TUBB: variants seen among roughly 807,000 people sequenced by gnomAD.
TUBB encodes the protein tubulin beta class I.
A neutral mutation model predicts 35.1 loss-of-function variants in TUBB; 2 were observed. That is an observed-to-expected ratio of 0.06 (90% CI 0.02 to 0.18). The LOEUF (loss-of-function observed/expected upper bound fraction) is 0.18. TUBB is among the 10% of genes least tolerant of loss of function. TUBB has a pLI of 1.00. For missense variants in TUBB, 50 were observed against 599.4 expected, an observed-to-expected ratio of 0.08 and a Z score of 9.57; for synonymous variants, 205 against 223.8, an observed-to-expected ratio of 0.92 and a Z score of 0.75.
Position 30,721,600 on chromosome 6 carries a change from CG to C in TUBB, c.58-929del, listed in dbSNP as rs569312594. ...GCGTGCGCCGCAGTCACGTGGAGGG[CG>C]GGGGGGGTGGTCGACTGCGGCGGCA... On this transcript the variant is annotated intron_variant, in intron 1 of 3. Coordinates refer to ENST00000327892, the MANE Select transcript of TUBB (RefSeq NM_178014.4). 1.1e-3 allele frequency: 1,102 copies of C among 981,670 alleles called. 4 individuals are homozygous for C. Among genetic ancestry groups the C allele is most frequent in the South Asian group, 4.6e-3 (98 of 21,162 alleles). 60.8% of individuals were successfully genotyped at this position (981,670 alleles called of 1,614,324 possible).
At chr6:30,722,392 G>C in intron 1 of TUBB, 145 bp from the exon 2 acceptor site, 1 of 625,496 alleles carries the variant, frequency 1.6e-6, no homozygotes, top group East Asian at 2.8e-5. Context: ...GCAGTGAGCC[G>C]AGATAGCGCC....
intron 1 of TUBB, chr6:30,722,276 C>T (rs2127747330): frequency 2.3e-6 from 1 of 437,012 alleles, no homozygotes; most frequent in Non-Finnish European, 4.2e-6. Context: ...AAACCCGTCT[C>T]TACTAAAAAT....
rs764389596 is a variant in TUBB at position 30,720,352 on chromosome 6, C to G, written c.-155C>G. ...CCGCGCCCTCCCCTCTCCTTTCTCC[C>G]TCTCAGAACCTTCCTGCCGTCGCGT... is the stretch of plus-strand genomic sequence containing the variant. On this transcript the variant is annotated 5_prime_UTR_variant, in exon 1 of 4. Coordinates refer to ENST00000327892, the MANE Select transcript of TUBB (RefSeq NM_178014.4). The G allele has an allele frequency of 1.3e-6, 1 of 741,942 alleles. No individual in the cohort carries two copies. Among genetic ancestry groups the G allele is most frequent in the Non-Finnish European group, 2.4e-6 (1 of 419,204 alleles). The allele number at this position is 741,942 out of a possible 1,614,324, so 46.0% of individuals were successfully genotyped here. A position where few individuals can be genotyped will look rare whatever the true frequency, so the allele number is the denominator to read the frequency against.
Position 30,723,968 on chromosome 6 carries a change from C to T in TUBB, c.906C>T (p.Ala302=). The T allele has an allele frequency of 1.9e-6, 3 of 1,614,124 alleles. No individual in the cohort carries two copies. Among genetic ancestry groups the T allele is most frequent in the Non-Finnish European group, 1.7e-6 (2 of 1,179,980 alleles). The change falls in exon 4 of 4, where the codon GCC becomes GCT. Residue 302 remains alanine (A), a synonymous_variant. Coordinates refer to ENST00000327892, the MANE Select transcript of TUBB (RefSeq NM_178014.4). The part of the protein sequence containing the change: ...QVFDAKNMMA[A]CDPRHGRYLT... ...TCGATGCCAAGAACATGATGGCTGC[C>T]TGTGACCCCCGCCACGGCCGATACC...
rs746439917 is a variant in TUBB, at chr6:30,724,364, G to T, written c.1302G>T (p.Glu434Asp). Residue 434 changes from glutamate (E) to aspartate (D), a missense_variant, in exon 4 of 4, where the codon GAG becomes GAT. Coordinates refer to ENST00000327892, the MANE Select transcript of TUBB (RefSeq NM_178014.4). This position sits in a 1 kb window ranked among gnomAD's most constrained non-coding sequence, Gnocchi z 4.4. ...QYQDATAEEEEDFGEEAEEEA is the reference protein window; with the variant it reads ...QYQDATAEEEDDFGEEAEEEA ...AGGATGCCACCGCAGAAGAGGAGGA[G>T]GATTTCGGTGAGGAGGCCGAAGAGG... 13 of 1,612,308 alleles carry T rather than the reference G, an allele frequency of 8.1e-6. No individual in the cohort carries two copies. Among genetic ancestry groups the T allele is most frequent in the Admixed American group, 5.0e-5 (3 of 59,998 alleles).
chr6:30,721,319 C>G lies in TUBB; in HGVS notation c.57+756C>G, dbSNP rs1776212979. On this transcript the variant is annotated intron_variant, in intron 1 of 3. Transcript: ENST00000327892. ...AAATGTAGCGAAGGAATAAAAATTC[C>G]GAGGCCAAGGGGGATTTTTTTTTTT... Among the ~76,000 whole-genome samples the G allele has an allele frequency of 2.7e-5, 4 of 148,472 alleles. No individual in the cohort carries two copies. The Admixed American group carries it at 2.7e-4, about 10-fold the overall frequency.
intron 1 of TUBB, chr6:30,721,452 C>T: frequency 1.5e-6 from 1 of 687,492 alleles, no homozygotes; most frequent in Non-Finnish European, 1.8e-6. Flanking sequence ...CGTGGGCGCG[C>T]GGGGACAATG....
chr6:30,720,353 T>C lies in TUBB; in HGVS notation c.-154T>C. ...CGCGCCCTCCCCTCTCCTTTCTCCC[T>C]CTCAGAACCTTCCTGCCGTCGCGTT... On this transcript the variant is annotated 5_prime_UTR_variant, in exon 1 of 4. Coordinates refer to ENST00000327892, the MANE Select transcript of TUBB (RefSeq NM_178014.4). 1.4e-6 allele frequency: 1 copy of C among 734,374 alleles called. No individual in the cohort carries two copies. The highest frequency in any genetic ancestry group is 2.8e-5 in the East Asian group (1 of 35,566). 45.5% of individuals were successfully genotyped at this position (734,374 alleles called of 1,614,324 possible). A position where few individuals can be genotyped will look rare whatever the true frequency, so the allele number is the denominator to read the frequency against.
rs1776249900 is a variant in TUBB, at chr6:30,721,528, C to T, written c.57+965C>T. The T allele has an allele frequency of 4.1e-6, 4 of 984,466 alleles. No homozygotes were observed. The South Asian group carries it at 1.4e-4, about 35-fold the overall frequency. The allele number at this position is 984,466 out of a possible 1,614,324, so 61.0% of individuals were successfully genotyped here. On this transcript the variant is annotated intron_variant, in intron 1 of 3. Transcript: ENST00000327892. The stretch of plus-strand genomic sequence containing the variant: ...GCCCCTCGCGCGCGGAATTTTTGTC[C>T]CTGGCCCCGCCCACGCGCGAAGTCT...
rs1272021227 is a variant in TUBB at position 30,723,536 on chromosome 6, A to C, written c.474A>C (p.Glu158Asp). The C allele has an allele frequency of 6.2e-7, 1 of 1,614,224 alleles. No homozygotes were observed. Among genetic ancestry groups the C allele is most frequent in the Non-Finnish European group, 8.5e-7 (1 of 1,180,034 alleles). ...TCCTTATCAGCAAGATCCGAGAAGA[A>C]TACCCTGATCGCATCATGAATACCT... ...GTLLISKIRE[E>D]YPDRIMNTFS... The change falls in exon 4 of 4, where the codon GAA (glutamate) becomes GAC (aspartate). Residue 158 changes from glutamate to aspartate, a missense_variant. By Grantham distance (45) the Glu-to-Asp change is conservative. This residue lies in a region of TUBB where 38 missense variants were observed against 578.9 expected (regional missense o/e 0.07). Transcript: ENST00000327892.
chr6:30,720,393 C>G lies in TUBB; in HGVS notation c.-114C>G. 3.9e-6 allele frequency: 4 copies of G among 1,025,740 alleles called. No individual in the cohort carries two copies. The South Asian group carries it at 3.9e-5, about 10-fold the overall frequency. The allele number at this position is 1,025,740 out of a possible 1,614,324, so 63.5% of individuals were successfully genotyped here. Reference sequence around the variant, plus strand: ...GCCGTCGCGTTTGCACCTCGCTGCTCCAGCCTCTGGGGCGCATTCCAACCT... The same window carrying G: ...GCCGTCGCGTTTGCACCTCGCTGCTGCAGCCTCTGGGGCGCATTCCAACCT... On this transcript the variant is annotated 5_prime_UTR_variant, in exon 1 of 4. Coordinates refer to ENST00000327892, the MANE Select transcript of TUBB (RefSeq NM_178014.4).
At chr6:30,721,459 A>C (rs1368715200) in intron 1 of TUBB, 1 of 750,648 alleles carries the variant, frequency 1.3e-6, no homozygotes, top group Non-Finnish European at 1.6e-6. Flanking sequence ...GCGCGGGGAC[A>C]ATGCGGCGTT....
intron 3 of TUBB, 37 bp from the exon 4 acceptor site, chr6:30,723,303 C>T (rs756718312): frequency 3.4e-6 from 5 of 1,489,444 alleles, no homozygotes; most frequent in African/African-American, 1.4e-5. Context: ...ATCTTCCATA[C>T]CCTGTTAATT....
At chr6:30,723,125 T>C in intron 3 of TUBB, 97 bp downstream of exon 3, 1 of 1,097,560 alleles carries the variant, frequency 9.1e-7, no homozygotes. Context: ...ATTGTTGTAT[T>C]GGAGTGCTAA....
intron 1 of TUBB, chr6:30,722,176 T>G (rs1776322012): frequency 4.1e-6 from 1 of 246,556 alleles, no homozygotes; most frequent in South Asian, 4.5e-5. Flanking sequence ...CTGGGCGCGG[T>G]GGCTCACCCT....
At chr6:30,721,939 C>A in intron 1 of TUBB, 1 of 967,882 alleles carries the variant, frequency 1.0e-6, no homozygotes, top group Non-Finnish European at 1.2e-6. Context: ...GGTTCGAGAC[C>A]ATCCTGGGCA....
intron 3 of TUBB, 60 bp downstream of exon 3, chr6:30,723,088 C>T: frequency 1.4e-6 from 2 of 1,379,330 alleles, no homozygotes; most frequent in Non-Finnish European, 2.0e-6. Flanking sequence ...TATTTGGGTG[C>T]AAGGACACAG....
chr6:30,721,490 T>C (rs1297826201), intron 1 of TUBB: 13 of 948,932 alleles, frequency 1.4e-5, no homozygotes, highest in East Asian at 1.2e-4. Flanking sequence ...AGGGGCGCGC[T>C]ACCTTGGGCC....
intron 1 of TUBB, chr6:30,721,967 C>A: frequency 1.1e-6 from 1 of 871,608 alleles, no homozygotes; most frequent in Non-Finnish European, 1.4e-6. Context: ...GAGACCCTCC[C>A]CCATGCCACG....
Sources: gnomAD v4.1 joint callset for allele counts (sites outside exome capture counted in the v4.1 genomes callset) on GRCh38, gnomAD v4.1.1 for gene constraint, gnomAD v4.1.1 regional missense constraint, Gnocchi (gnomAD v3.1) non-coding constraint, MANE v1.5 for transcripts, NCBI Gene and HGNC (gene_info 2026-07-23, HGNC 2026-07-21) for gene names.